NQO1: variants seen among roughly 807,000 people sequenced by gnomAD.
NQO1 encodes NAD(P)H quinone dehydrogenase 1, also known as NAD(P)H dehydrogenase [quinone] 1.
A neutral mutation model predicts 32.1 loss-of-function variants in NQO1; 30 were observed. The observed-to-expected ratio is 0.94, with a 90% CI of 0.70 to 1.27. NQO1 has a LOEUF of 1.27. NQO1 is among the 50% of genes most tolerant of loss of function. The pLI, the probability that NQO1 is intolerant of heterozygous loss-of-function variation, is 0.00. For synonymous variants in NQO1, 109 were observed against 119.7 expected (o/e 0.91, Z 0.59); for missense variants, 276 against 331.3 (o/e 0.83, Z 1.30).
At chr16:69,726,250 G>C (rs940810983) in intron 1 of NQO1, among the ~76,000 whole-genome samples, 183 bp downstream of exon 1, 1 of 152,150 alleles carries the variant, frequency 6.6e-6, no homozygotes, top group Non-Finnish European at 1.5e-5. Context: ...CGCGACACCG[G>C]ATACAAACAG....
chr16:69,713,384 C>T (rs2038066983), intron 4 of NQO1, among the ~76,000 whole-genome samples: 1 of 152,180 alleles, frequency 6.6e-6, no homozygotes, highest in Admixed American at 6.6e-5. Context: ...GAGGCTGTCA[C>T]CATATCCAAA....
At chr16:69,719,310 T>A (rs1342348697) in intron 1 of NQO1, among the ~76,000 whole-genome samples, 1 of 152,174 alleles carries the variant, frequency 6.6e-6, no homozygotes, top group Non-Finnish European at 1.5e-5. Flanking sequence ...TTTATCTCGC[T>A]CTCCAATTTG....
chr16:69,722,056 G>C (rs2038198972), intron 1 of NQO1, among the ~76,000 whole-genome samples: 1 of 151,474 alleles, frequency 6.6e-6, no homozygotes, highest in Non-Finnish European at 1.5e-5. Flanking sequence ...CCAGAGAAAG[G>C]ACGCTTACCC....
rs1301945514 is a variant in NQO1, at chr16:69,719,595, G to GA, written c.8-1062dup. On this transcript the variant is annotated intron_variant, in intron 1 of 5. Transcript: ENST00000320623. Reference sequence around the variant, plus strand: ...TCAAGACCATCCTGGCCAACATGGTGAAACCCTGTCTCTACAAAAATACAA... The same window carrying GA: ...TCAAGACCATCCTGGCCAACATGGTGAAAACCCTGTCTCTACAAAAATACAA... Among the ~76,000 whole-genome samples, 6 of 151,906 alleles carry GA rather than the reference G, an allele frequency of 3.9e-5. No homozygotes were observed. The South Asian group carries it at 1.0e-3, about 26-fold the overall frequency.
chr16:69,713,040 G>A lies in NQO1; in HGVS notation c.507C>T (p.Leu169=), dbSNP rs1567630142. The change falls in exon 5 of 6, where the codon CTC becomes CTT. Residue 169 remains leucine (L), a synonymous_variant. Coordinates refer to ENST00000320623, the MANE Select transcript of NQO1 (RefSeq NM_000903.3). ...QGIHGDMNVI[L]WPIQSGILHF... is the part of the protein sequence containing the mutation. ...GAAAATGAGGTACCTGAATTGGCCA[G>A]AGAATGACATTCATGTCCCCGTGGA... 1 of 1,613,572 alleles carries A rather than the reference G, an allele frequency of 6.2e-7. No homozygotes were observed. Among genetic ancestry groups the A allele is most frequent in the Admixed American group, 1.7e-5 (1 of 59,956 alleles).
intron 5 of NQO1, among the ~76,000 whole-genome samples, chr16:69,712,683 G>A (rs1181352649): frequency 6.6e-6 from 1 of 152,188 alleles, no homozygotes; most frequent in Non-Finnish European, 1.5e-5. Context: ...AAGGCTCAAT[G>A]AATGAATTCC....
rs564719393 is a variant in NQO1, at chr16:69,712,807, C to T, written c.519+221G>A. Among the ~76,000 whole-genome samples the T allele has an allele frequency of 2.0e-5, 3 of 152,172 alleles. No homozygotes were observed. In the South Asian group the frequency reaches 6.2e-4, roughly 32 times the overall value. On this transcript the variant is annotated intron_variant, in intron 5 of 5. Transcript: ENST00000320623. ...ATCATTTGAGGTCAAGTGTTTGAAA[C>T]CAGCCTGGCTAACATGGCAAGACCC...
chr16:69,723,748 G>A (rs974867966), intron 1 of NQO1, among the ~76,000 whole-genome samples: 1 of 152,238 alleles, frequency 6.6e-6, no homozygotes, highest in Admixed American at 6.5e-5. Context: ...GTTGCAATGA[G>A]CCGAGATCGC....
chr16:69,716,738 C>G (rs1395320826), intron 3 of NQO1, among the ~76,000 whole-genome samples: 1 of 149,592 alleles, frequency 6.7e-6, no homozygotes, highest in Non-Finnish European at 1.5e-5. Context: ...TCACTTGAGC[C>G]CAAGAGTTTG....
rs765690206 is a variant in NQO1, at chr16:69,718,192, T to G, written c.234A>C (p.Glu78Asp). ...YPAESVLAYK[E>D]GHLSPDIVAE... is the part of the protein sequence containing the mutation. ...CCACAATATCTGGGCTCAGATGGCC[T>G]TCTTTATAAGCCAGAACAGACTCGG... Residue 78 changes from glutamate (E) to aspartate (D), a missense_variant, in exon 3 of 6, where the codon GAA (glutamate) becomes GAC (aspartate). Physicochemically the swap from Glu to Asp is conservative, Grantham distance 45. Transcript: ENST00000320623. The G allele has an allele frequency of 6.2e-7, 1 of 1,614,168 alleles. No individual in the cohort carries two copies. Among genetic ancestry groups the G allele is most frequent in the Non-Finnish European group, 8.5e-7 (1 of 1,180,012 alleles).
chr16:69,718,290 G>C, intron 2 of NQO1, 37 bp from the exon 3 acceptor site: 2 of 1,613,432 alleles, frequency 1.2e-6, no homozygotes, highest in Non-Finnish European at 1.7e-6. Flanking sequence ...GGCCAGAGGG[G>C]CCAAAGCTGG....
At position 69,718,420 on chromosome 16, in the gene NQO1, T is replaced by C. The variant is rs777649241; in HGVS notation, c.122A>G (p.Asp41Gly). ...KKKGWEVVESDLYAMNFNPII... is the reference protein window; with the variant it reads ...KKKGWEVVESGLYAMNFNPII... ...GGGATTGAAGTTCATGGCATAGAGG[T>C]CCGACTCCACCACCTCCCATCCTTT... The change falls in exon 2 of 6, where the codon GAC becomes GGC. Residue 41 changes from aspartate (D) to glycine (G), a missense_variant. Transcript: ENST00000320623. The C allele has an allele frequency of 1.2e-6, 2 of 1,614,076 alleles. No individual in the cohort carries two copies. Among genetic ancestry groups the C allele is most frequent in the African/African-American group, 1.3e-5 (1 of 75,008 alleles).
Position 69,709,847 on chromosome 16 carries a change from C to G in NQO1, c.*1129G>C. ...GTACCCCAAGGTCATGGGACTGGAC[C>G]CCATCCCATAGTAAGTCATCAGTTT... On this transcript the variant is annotated 3_prime_UTR_variant, in exon 6 of 6. Transcript: ENST00000320623. 1 of 398,416 alleles carries G rather than the reference C, an allele frequency of 2.5e-6. No individual in the cohort carries two copies. The highest frequency in any genetic ancestry group is 4.4e-6 in the Non-Finnish European group (1 of 226,042). 24.7% of individuals were successfully genotyped at this position (398,416 alleles called of 1,614,324 possible).
intron 3 of NQO1, among the ~76,000 whole-genome samples, chr16:69,716,894 T>C (rs2038120211): frequency 6.6e-6 from 1 of 152,116 alleles, no homozygotes; most frequent in Non-Finnish European, 1.5e-5. Flanking sequence ...GAGGCAGCAG[T>C]GAGCAGAGAT....
intron 1 of NQO1, among the ~76,000 whole-genome samples, chr16:69,721,285 G>A (rs1285465921): frequency 6.6e-6 from 1 of 152,158 alleles, no homozygotes; most frequent in East Asian, 1.9e-4. Context: ...TTAACAGATG[G>A]GGCCTGTGAT....
Position 69,710,929 on chromosome 16 carries a change from T to C in NQO1, c.*47A>G, listed in dbSNP as rs368861927. On this transcript the variant is annotated 3_prime_UTR_variant, in exon 6 of 6. Coordinates refer to ENST00000320623, the MANE Select transcript of NQO1 (RefSeq NM_000903.3). ...AGCAAGTCAGGGAAGCCTGGAAAGATACCCAGATTTGATAACATGTTAGAA... is the reference window on the plus strand; with the variant it reads ...AGCAAGTCAGGGAAGCCTGGAAAGACACCCAGATTTGATAACATGTTAGAA... 2 of 1,552,866 alleles carry C rather than the reference T, an allele frequency of 1.3e-6. No individual in the cohort carries two copies. The highest frequency in any genetic ancestry group is 1.4e-5 in the African/African-American group (1 of 72,516).
intron 3 of NQO1, among the ~76,000 whole-genome samples, chr16:69,716,282 G>A (rs1345314851): frequency 6.6e-6 from 1 of 151,538 alleles, no homozygotes; most frequent in East Asian, 1.9e-4. Flanking sequence ...ATCACTTGAG[G>A]TCAGGAATTT....
At chr16:69,722,102 A>G (rs2038199789) in intron 1 of NQO1, among the ~76,000 whole-genome samples, 1 of 145,940 alleles carries the variant, frequency 6.9e-6, no homozygotes, top group African/African-American at 2.5e-5. Flanking sequence ...CTGCTACTTC[A>G]TACCCTACCA....
At chr16:69,724,346 C>T (rs1245966431) in intron 1 of NQO1, among the ~76,000 whole-genome samples, 1 of 151,546 alleles carries the variant, frequency 6.6e-6, no homozygotes, top group Admixed American at 6.6e-5. Flanking sequence ...AACTTCAGGA[C>T]CTCAGGGCTG....
Sources: gnomAD v4.1 joint callset for allele counts (sites outside exome capture counted in the v4.1 genomes callset) on GRCh38, gnomAD v4.1.1 for gene constraint, MANE v1.5 for transcripts, NCBI Gene and HGNC (gene_info 2026-07-23, HGNC 2026-07-21) for gene names.